SLC9A3: variants seen among roughly 807,000 people sequenced by gnomAD.
The protein encoded by SLC9A3 is solute carrier family 9 member A3.
A neutral mutation model predicts 86.8 loss-of-function variants in SLC9A3; 37 were observed. The observed-to-expected ratio is 0.43, with a 90% CI of 0.33 to 0.56. The LOEUF (loss-of-function observed/expected upper bound fraction) is 0.56, where lower values mean the gene tolerates loss of function less well. Ranked by LOEUF, SLC9A3 falls within the 20% of genes least tolerant of loss-of-function variation. The pLI, the probability that SLC9A3 is intolerant of heterozygous loss-of-function variation, is 0.06. For synonymous variants in SLC9A3, 581 were observed against 528.3 expected (o/e 1.10, Z -1.37); for missense variants, 1,011 against 1,171.9 (o/e 0.86, Z 2.00).
At position 518,089 on chromosome 5, in the gene SLC9A3, C is replaced by A. The variant is rs546611463; in HGVS notation, c.211+6023G>T. 4.6e-5 allele frequency among the ~76,000 whole-genome samples: 7 copies of A among 152,350 alleles called. No individual in the cohort carries two copies. In the South Asian group the frequency reaches 1.4e-3, roughly 32 times the overall value. On this transcript the variant is annotated intron_variant, in intron 1 of 16. Transcript: ENST00000264938. ...TGCAGGACTCTGCTGGGGACAGGCA[C>A]TGGGGACACAGGAGGAATAAGACAG...
In SLC9A3 at chr5:476,071, C is replaced by T; in HGVS notation, c.2089G>A (p.Gly697Arg). ...GCAGGGCTCTCCATGGGCAGCTTCC[C>T]ATTGGGGATGCTGCTGTTTCTCTGC... ...QKRRNSSIPN[G>R]KLPMESPAQN... Residue 697 changes from glycine to arginine, a missense_variant, in exon 14 of 17, where the codon GGG becomes AGG. Physicochemically the swap from Gly to Arg is moderately radical, Grantham distance 125 (BLOSUM62 -2). Coordinates refer to ENST00000264938, the MANE Select transcript of SLC9A3 (RefSeq NM_004174.4). 3 of 1,613,416 alleles carry T rather than the reference C, an allele frequency of 1.9e-6. No individual in the cohort carries two copies. The highest frequency in any genetic ancestry group is 1.7e-6 in the Non-Finnish European group (2 of 1,179,890).
At chr5:492,525 C>T (rs949620757) in intron 1 of SLC9A3, among the ~76,000 whole-genome samples, 12 of 151,966 alleles carry the variant, frequency 7.9e-5, no homozygotes, top group Admixed American at 3.3e-4. Context: ...AGACCTCCCC[C>T]GACTTTTCAG....
At chr5:500,843 G>A (rs368866065) in intron 1 of SLC9A3, among the ~76,000 whole-genome samples, 3 of 83,932 alleles carry the variant, frequency 3.6e-5, no homozygotes, top group Admixed American at 1.3e-4. Flanking sequence ...GGGTGTGGAC[G>A]GGGCTGGTGT....
Position 484,544 on chromosome 5 carries a change from A to G in SLC9A3, c.908T>C (p.Met303Thr). The G allele has an allele frequency of 2.5e-6, 4 of 1,613,106 alleles. No individual in the cohort carries two copies. The highest frequency in any genetic ancestry group is 3.4e-6 in the Non-Finnish European group (4 of 1,179,942). ...CGCGAGGATGGCCGACAGCGACAGC[A>G]TCTCGGACGTCAGGTAGGACAGGTA... ...ISYLSYLTSEMLSLSAILAIT... is the reference protein window; with the variant it reads ...ISYLSYLTSETLSLSAILAIT... Residue 303 changes from methionine (M) to threonine (T), a missense_variant, in exon 5 of 17, where the codon ATG becomes ACG. By Grantham distance (81) the Met-to-Thr change is moderately conservative. Coordinates refer to ENST00000264938, the MANE Select transcript of SLC9A3 (RefSeq NM_004174.4).
intron 3 of SLC9A3, among the ~76,000 whole-genome samples, chr5:486,935 C>A (rs1190792131): frequency 5.2e-5 from 5 of 97,018 alleles, no homozygotes; most frequent in African/African-American, 1.8e-4. Flanking sequence ...CACTGACACC[C>A]ACCGCACTGA....
chr5:517,477 C>T (rs1282610682), intron 1 of SLC9A3, among the ~76,000 whole-genome samples: 1 of 150,896 alleles, frequency 6.6e-6, no homozygotes, highest in African/African-American at 2.4e-5. Flanking sequence ...TATCCATCCA[C>T]TCATCCATCC....
rs1264087358 is a variant in SLC9A3 at position 472,139 on chromosome 5, C to T, written c.*1240G>A. On this transcript the variant is annotated 3_prime_UTR_variant, in exon 17 of 17. Transcript: ENST00000264938. Reference sequence around the variant, plus strand: ...GATGGACTCCGAGCACCCTCCCCGGCTCAGCACCCGCGGCCTCCGCCCACT... The same window carrying T: ...GATGGACTCCGAGCACCCTCCCCGGTTCAGCACCCGCGGCCTCCGCCCACT... The T allele has an allele frequency of 2.6e-6, 1 of 388,388 alleles. No individual in the cohort carries two copies. The highest frequency in any genetic ancestry group is 2.1e-5 in the African/African-American group (1 of 47,862). 24.1% of individuals were successfully genotyped at this position (388,388 alleles called of 1,614,324 possible). A position where few individuals can be genotyped will look rare whatever the true frequency, so the allele number is the denominator to read the frequency against.
At chr5:494,610 C>T (rs1739936288) in intron 1 of SLC9A3, among the ~76,000 whole-genome samples, 1 of 152,200 alleles carries the variant, frequency 6.6e-6, no homozygotes, top group African/African-American at 2.4e-5. Context: ...TTTACCACTT[C>T]CTTCCTTTCT....
Position 496,841 on chromosome 5 carries a change from A to G in SLC9A3, c.212-4770T>C, listed in dbSNP as rs1299011502. Among the ~76,000 whole-genome samples the G allele has an allele frequency of 2.0e-5, 3 of 152,160 alleles. No individual in the cohort carries two copies. Among genetic ancestry groups the G allele is most frequent in the African/African-American group, 7.2e-5 (3 of 41,438 alleles). On this transcript the variant is annotated intron_variant, in intron 1 of 16. Transcript: ENST00000264938. The surrounding 1 kb of genome is among the most constrained non-coding windows in gnomAD (Gnocchi z 4.7). ...CAAGGCAGGTGGATCCCTTGAGCCC[A>G]GGAGTTCGAGACCAGCCTGGGCAAC... is the stretch of plus-strand genomic sequence containing the variant.
In SLC9A3 at chr5:491,830, G is replaced by A. The variant is rs111351891; in HGVS notation, c.453C>T (p.Thr151=). The change falls in exon 2 of 17, where the codon ACC becomes ACT. Residue 151 remains threonine (T), a synonymous_variant. Transcript: ENST00000264938. The surrounding 1 kb of genome is among the most constrained non-coding windows in gnomAD (Gnocchi z 9.2). ...GTILLYAVVG[T]VWNAATTGLS... ...GCCCGGTGGTGGCCGCGTTCCACACGGTACCCACGACGGCGTACAACAGGA... is the reference window on the plus strand; with the variant it reads ...GCCCGGTGGTGGCCGCGTTCCACACAGTACCCACGACGGCGTACAACAGGA... 3.6e-5 allele frequency: 57 copies of A among 1,597,716 alleles called. No individual in the cohort carries two copies. The African/African-American group carries it at 4.2e-4, about 12-fold the overall frequency.
chr5:523,155 G>T (rs1335183506), intron 1 of SLC9A3, among the ~76,000 whole-genome samples: 1 of 152,162 alleles, frequency 6.6e-6, no homozygotes, highest in East Asian at 1.9e-4. Context: ...AGGGCAGGCG[G>T]CAGGCGTCAC....
At chr5:480,204 G>A (rs935559405) in intron 9 of SLC9A3, 100 of 474,322 alleles carry the variant, frequency 2.1e-4, no homozygotes, top group Non-Finnish European at 3.3e-4. Context: ...TCCAGAGGGT[G>A]GCTCAGGACA....
intron 13 of SLC9A3, 37 bp downstream of exon 13, chr5:476,165 C>A: frequency 6.2e-7 from 1 of 1,613,000 alleles, no homozygotes; most frequent in Non-Finnish European, 8.5e-7. Context: ...CGCTCCAGGC[C>A]CCAGCCCCGC....
At chr5:523,796 T>C (rs1201969940) in intron 1 of SLC9A3, among the ~76,000 whole-genome samples, 1 of 152,088 alleles carries the variant, frequency 6.6e-6, no homozygotes, top group African/African-American at 2.4e-5. Context: ...GGGGACTCCC[T>C]GGGCGCGAGC....
At chr5:490,320 G>A (rs564723802) in intron 2 of SLC9A3, among the ~76,000 whole-genome samples, 84 of 151,914 alleles carry the variant, frequency 5.5e-4, no homozygotes, top group Non-Finnish European at 9.3e-4. Flanking sequence ...GCGAGGGGCA[G>A]GGGTGGAGTG....
chr5:509,416 T>C (rs140701313), intron 1 of SLC9A3, among the ~76,000 whole-genome samples: 1 of 147,378 alleles, frequency 6.8e-6, no homozygotes, highest in Non-Finnish European at 1.5e-5. Context: ...CTCATGCCAC[T>C]GCACTGCAGC....
chr5:510,452 G>C (rs925961939), intron 1 of SLC9A3, among the ~76,000 whole-genome samples: 2 of 152,198 alleles, frequency 1.3e-5, no homozygotes, highest in African/African-American at 4.8e-5. Context: ...GCTTTACTGT[G>C]GTGACCACTG....
chr5:485,466 C>G (rs1739421427), intron 3 of SLC9A3, among the ~76,000 whole-genome samples: 1 of 152,248 alleles, frequency 6.6e-6, no homozygotes, highest in Non-Finnish European at 1.5e-5. Context: ...GGGAGCAAAG[C>G]TGGCCTCTTC....
chr5:488,922 G>A (rs1366475939), intron 2 of SLC9A3, among the ~76,000 whole-genome samples: 1 of 152,184 alleles, frequency 6.6e-6, no homozygotes, highest in Non-Finnish European at 1.5e-5. Flanking sequence ...GCCGTTGGGG[G>A]TGTGGGGGCA....
Sources: allele counts gnomAD v4.1 joint callset (sites outside exome capture counted in the v4.1 genomes callset), GRCh38; gene constraint gnomAD v4.1.1; non-coding constraint Gnocchi (gnomAD v3.1); transcripts MANE v1.5; gene names NCBI Gene and HGNC (gene_info 2026-07-23, HGNC 2026-07-21).